The following CTPS2 variants were observed in gnomAD, a reference collection of about 807,000 sequenced individuals.
CTPS2 encodes the protein CTP synthase 2.
CTPS2 carries 19 observed loss-of-function variants against 46.8 expected under a neutral mutation model. That is an observed-to-expected ratio of 0.41 (90% confidence interval 0.28 to 0.60). The LOEUF is 0.60. Ranked by LOEUF, CTPS2 falls within the 20% of genes least tolerant of loss-of-function variation. The probability of loss-of-function intolerance (pLI) is 0.35; values close to 1 mark genes in which losing one functional copy is unlikely to be tolerated. For synonymous variants in CTPS2, 151 were observed against 165.2 expected (o/e 0.91, Z 0.66); for missense variants, 286 against 447.6 (o/e 0.64, Z 3.26).
At chrX:16,684,499 ACT>A (rs1491206037) in intron 8 of CTPS2, among the ~76,000 whole-genome samples, 1 of 93,212 alleles carries the variant, frequency 1.1e-5, no homozygotes, top group African/African-American at 4.4e-5. Context: ...ACAGAGCGAG[ACT>A]CTGTCTCCAA....
At chrX:16,708,043 T>C (rs1925159830) in intron 1 of CTPS2, among the ~76,000 whole-genome samples, 1 of 112,071 alleles carries the variant, frequency 8.9e-6, no homozygotes, top group African/African-American at 3.2e-5. Context: ...GTAATAACTA[T>C]AAATTTCACT....
chrX:16,664,057 T>C (rs191130914), intron 13 of CTPS2, among the ~76,000 whole-genome samples: 40 of 111,647 alleles, frequency 3.6e-4, no homozygotes, highest in Non-Finnish European at 4.3e-4. Flanking sequence ...AGGATGGTCT[T>C]GATCTCCTGA....
At chrX:16,614,203 G>A (rs191731464) in intron 16 of CTPS2, among the ~76,000 whole-genome samples, 491 of 112,006 alleles carry the variant, frequency 4.4e-3, no homozygotes, top group African/African-American at 0.015. Flanking sequence ...TGCAGCCCAC[G>A]GACTGTGGGT....
intron 15 of CTPS2, among the ~76,000 whole-genome samples, chrX:16,617,812 C>G (rs1350097278): frequency 8.9e-6 from 1 of 111,882 alleles, no homozygotes; most frequent in Non-Finnish European, 1.9e-5. Context: ...TCCTTTTCAG[C>G]CTCTCCTTCA....
chrX:16,623,515 T>A (rs1019386460), intron 14 of CTPS2, among the ~76,000 whole-genome samples: 18 of 111,785 alleles, frequency 1.6e-4, no homozygotes, highest in African/African-American at 5.9e-4. Flanking sequence ...ATGCGATGTT[T>A]GTCTTTCTGT....
intron 14 of CTPS2, among the ~76,000 whole-genome samples, chrX:16,624,776 C>A (rs1253074217): frequency 9.0e-6 from 1 of 111,164 alleles, no homozygotes; most frequent in Non-Finnish European, 1.9e-5. Context: ...TTTTTAGAGA[C>A]AAAATAAAAT....
chrX:16,639,829 G>GA (rs1555961937), intron 13 of CTPS2, among the ~76,000 whole-genome samples: 75 of 102,917 alleles, frequency 7.3e-4, no homozygotes, highest in Non-Finnish European at 1.2e-3. Flanking sequence ...AAGAAAGAAA[G>GA]AAGAAAAGAA....
intron 1 of CTPS2, among the ~76,000 whole-genome samples, chrX:16,708,541 T>TTA (rs1383746695): frequency 1.8e-5 from 2 of 110,317 alleles, no homozygotes; most frequent in East Asian, 2.8e-4. Context: ...AATAAATAAA[T>TTA]TATATATATA....
chrX:16,638,123 T>TGGC (rs1242466949), intron 14 of CTPS2, among the ~76,000 whole-genome samples: 1 of 108,463 alleles, frequency 9.2e-6, no homozygotes, highest in Non-Finnish European at 1.9e-5. Flanking sequence ...GGCGCGGTGG[T>TGGC]AGGCGCCTGT....
chrX:16,684,005 G>A (rs5978787), intron 8 of CTPS2, among the ~76,000 whole-genome samples: 60,769 of 110,203 alleles, frequency 0.55, 13,682 homozygotes, highest in African/African-American at 0.86. Context: ...GAAGACACTC[G>A]ATCACATTTT....
intron 14 of CTPS2, among the ~76,000 whole-genome samples, chrX:16,629,498 T>C (rs1010352061): frequency 9.0e-6 from 1 of 110,660 alleles, no homozygotes. Context: ...TCTTTTAAAC[T>C]GTTATGTAAA....
chrX:16,704,901 T>C (rs1924874155), intron 1 of CTPS2, among the ~76,000 whole-genome samples: 1 of 111,258 alleles, frequency 9.0e-6, no homozygotes, highest in African/African-American at 3.3e-5. Flanking sequence ...TGAGCCGAGA[T>C]CAGGCCATTG....
intron 6 of CTPS2, 38 bp downstream of exon 6, chrX:16,693,103 G>T: frequency 7.0e-6 from 6 of 856,201 alleles, no homozygotes; most frequent in Non-Finnish European, 1.0e-5. Context: ...TGCTCCCAGA[G>T]ACCTTCAGGA....
At chrX:16,685,108 G>A (rs1474740813) in intron 8 of CTPS2, among the ~76,000 whole-genome samples, 5 of 111,163 alleles carry the variant, frequency 4.5e-5, no homozygotes. Context: ...AAAAGAGGAT[G>A]CGGGTAACAG....
intron 4 of CTPS2, among the ~76,000 whole-genome samples, chrX:16,694,175 A>C (rs1368847333): frequency 1.8e-5 from 2 of 111,699 alleles, no homozygotes; most frequent in African/African-American, 6.5e-5. Context: ...AAACAAAAAC[A>C]AAAACAAAAA....
In CTPS2 at chrX:16,699,451, A is replaced by C. The variant is rs779797474; in HGVS notation, c.167-358T>G. Among the ~76,000 whole-genome samples the C allele has an allele frequency of 2.7e-5, 3 of 112,809 alleles. No individual in the cohort carries two copies. In the South Asian group the frequency reaches 1.1e-3, roughly 41 times the overall value. On this transcript the variant is annotated intron_variant, in intron 2 of 18. Coordinates refer to ENST00000359276, the MANE Select transcript of CTPS2 (RefSeq NM_175859.3). ...TCCTGGACTCTGGAACTGCGATAAGAAACTTTTACTTGATTCTCATCTTGA... is the reference window on the plus strand; with the variant it reads ...TCCTGGACTCTGGAACTGCGATAAGCAACTTTTACTTGATTCTCATCTTGA...
chrX:16,624,832 C>T (rs777536410), intron 14 of CTPS2, among the ~76,000 whole-genome samples: 1 of 111,765 alleles, frequency 8.9e-6, no homozygotes, highest in African/African-American at 3.3e-5. Flanking sequence ...AGAAAGAAAA[C>T]CAACAAAAGT....
At chrX:16,592,509 G>A (rs2147153467) in intron 17 of CTPS2, among the ~76,000 whole-genome samples, 1 of 111,533 alleles carries the variant, frequency 9.0e-6, no homozygotes, top group African/African-American at 3.3e-5. Flanking sequence ...ATCTGTGCTG[G>A]CCTCCGTGCT....
chrX:16,703,022 ATT>A (rs759725248), intron 1 of CTPS2, 81 bp from the exon 2 acceptor site: 12,466 of 421,986 alleles, frequency 0.03, no homozygotes, highest in East Asian at 0.038. Context: ...ACCAGAATTA[ATT>A]TTTTTTTTTT....
Sources: gnomAD v4.1 joint callset for allele counts (sites outside exome capture counted in the v4.1 genomes callset) on GRCh38, gnomAD v4.1.1 for gene constraint, MANE v1.5 for transcripts, NCBI Gene and HGNC (gene_info 2026-07-23, HGNC 2026-07-21) for gene names.